SLC22A4: variants seen among roughly 807,000 people sequenced by gnomAD.
SLC22A4 encodes the protein ET transporter.
A neutral mutation model predicts 56.6 loss-of-function variants in SLC22A4; 39 were observed. That is an observed-to-expected ratio of 0.69 (90% confidence interval 0.53 to 0.90). SLC22A4 has a LOEUF of 0.90. Among genes scored for constraint, SLC22A4 ranks in the 40% least tolerant of loss-of-function variants. The pLI is 0.00. For synonymous variants in SLC22A4, 241 were observed against 281.4 expected, an observed-to-expected ratio of 0.86 and a Z score of 1.44; for missense variants, 594 against 696.5, an observed-to-expected ratio of 0.85 and a Z score of 1.66.
At chr5:132,302,656 C>T (rs1042727498) in intron 1 of SLC22A4, among the ~76,000 whole-genome samples, 2 of 152,186 alleles carry the variant, frequency 1.3e-5, no homozygotes, top group Non-Finnish European at 2.9e-5. Flanking sequence ...CAGAGCTTCC[C>T]CTCAGTGCTT....
chr5:132,332,040 G>C, intron 6 of SLC22A4, 190 bp downstream of exon 6: 1 of 587,564 alleles, frequency 1.7e-6, no homozygotes, highest in East Asian at 3.1e-5. Flanking sequence ...GTCACTGGGC[G>C]CAATGGCTTA....
In SLC22A4 at chr5:132,331,837, T is replaced by A; in HGVS notation, c.1033T>A (p.Ser345Thr). Residue 345 changes from serine to threonine, a missense_variant, in exon 6 of 10, where the codon TCT becomes ACT. Coordinates refer to ENST00000200652, the MANE Select transcript of SLC22A4 (RefSeq NM_003059.3). ...GAATATTGCCATAATGACCATTATG[T>A]CTTTGCTGCTATGGTAAGTAATAAG... ...TRNIAIMTIM[S>T]LLLWMLTSVG... 1 of 1,601,874 alleles carries A rather than the reference T, an allele frequency of 6.2e-7. No homozygotes were observed. The highest frequency in any genetic ancestry group is 8.6e-7 in the Non-Finnish European group (1 of 1,168,718).
chr5:132,310,456 A>T (rs1463404074), intron 1 of SLC22A4, among the ~76,000 whole-genome samples: 1 of 152,188 alleles, frequency 6.6e-6, no homozygotes, highest in Non-Finnish European at 1.5e-5. Context: ...GAACACATTA[A>T]TCTGGCCATA....
intron 9 of SLC22A4, 139 bp from the exon 10 acceptor site, chr5:132,343,621 C>A (rs1421837524): frequency 3.1e-6 from 2 of 645,920 alleles, no homozygotes; most frequent in Non-Finnish European, 5.6e-6. Flanking sequence ...TAGATCTACA[C>A]CATGAGGTTC....
chr5:132,328,826 TATATATATATATACAC>T (rs1266625124), intron 5 of SLC22A4, among the ~76,000 whole-genome samples: 1 of 17,734 alleles, frequency 5.6e-5, no homozygotes, highest in East Asian at 5.1e-4. Context: ...AGTGCCTTTA[TATATATATATATACAC>T]ACACACACAC....
At chr5:132,317,546 A>C (rs1461776482) in intron 3 of SLC22A4, among the ~76,000 whole-genome samples, 1 of 152,218 alleles carries the variant, frequency 6.6e-6, no homozygotes, top group Non-Finnish European at 1.5e-5. Flanking sequence ...TCATCCATTC[A>C]TCAGTCATTG....
chr5:132,313,033 T>G (rs569467814), intron 2 of SLC22A4, among the ~76,000 whole-genome samples: 1 of 152,356 alleles, frequency 6.6e-6, no homozygotes, highest in African/African-American at 2.4e-5. Context: ...CAGACATTGC[T>G]GAAAGCTACA....
Position 132,335,848 on chromosome 5 carries a change from T to C in SLC22A4, c.1292T>C (p.Met431Thr), listed in dbSNP as rs1751007938. Residue 431 changes from methionine to threonine, a missense_variant, in exon 8 of 10, where the codon ATG becomes ACG. Met to Thr is a moderately conservative substitution (Grantham distance 81). Transcript: ENST00000200652. ...DYYFLSIGLV[M>T]LGKFGITSAF... ...TACTTCTTATCCATTGGTCTGGTCA[T>C]GCTGGGAAAATTTGGGATCACCTCT... 1 of 1,614,172 alleles carries C rather than the reference T, an allele frequency of 6.2e-7. No homozygotes were observed. Among genetic ancestry groups the C allele is most frequent in the South Asian group, 1.1e-5 (1 of 91,084 alleles).
chr5:132,297,931 G>A (rs1749816196), intron 1 of SLC22A4, among the ~76,000 whole-genome samples: 1 of 152,120 alleles, frequency 6.6e-6, no homozygotes, highest in Non-Finnish European at 1.5e-5. Context: ...CTGGGTGACA[G>A]GGCAAGACCC....
At chr5:132,336,128 C>T in intron 8 of SLC22A4, 128 bp downstream of exon 8, 1 of 936,154 alleles carries the variant, frequency 1.1e-6, no homozygotes, top group South Asian at 1.4e-5. Context: ...CCTCTCCTCT[C>T]CCAGGAGGAG....
At chr5:132,324,905 G>A (rs1750647578) in intron 4 of SLC22A4, among the ~76,000 whole-genome samples, 1 of 152,226 alleles carries the variant, frequency 6.6e-6, no homozygotes, top group Admixed American at 6.5e-5. Context: ...AGAGATACCA[G>A]TGGCCCTGAG....
chr5:132,323,034 C>G lies in SLC22A4; in HGVS notation c.824+679C>G, dbSNP rs558129248. On this transcript the variant is annotated intron_variant, in intron 4 of 9. Transcript: ENST00000200652. ...TAGAACAAGGTGTCAGACATACCCT[C>G]TTTTTGGAGATTTCCTGTTCCTTTG... Among the ~76,000 whole-genome samples the G allele has an allele frequency of 3.3e-5, 5 of 152,314 alleles. No individual in the cohort carries two copies. In the East Asian group the frequency reaches 9.6e-4, roughly 29 times the overall value.
chr5:132,301,467 G>C (rs1288235372), intron 1 of SLC22A4, among the ~76,000 whole-genome samples: 1 of 152,214 alleles, frequency 6.6e-6, no homozygotes, highest in Non-Finnish European at 1.5e-5. Context: ...TAGCCCACTG[G>C]TAGTGGAGTT....
chr5:132,318,827 G>C (rs1750439099), intron 3 of SLC22A4, among the ~76,000 whole-genome samples: 2 of 152,158 alleles, frequency 1.3e-5, no homozygotes, highest in Admixed American at 1.3e-4. Flanking sequence ...TGCCCTAGAA[G>C]CAAAGCAGGC....
At chr5:132,312,075 GC>G (rs1750195858) in intron 1 of SLC22A4, 85 bp from the exon 2 acceptor site, 1 of 842,418 alleles carries the variant, frequency 1.2e-6, no homozygotes, top group East Asian at 2.4e-5. Context: ...CTGCCCGCCA[GC>G]CGTGCTAATA....
Position 132,327,305 on chromosome 5 carries a change from A to G in SLC22A4, c.853A>G (p.Ile285Val). The G allele has an allele frequency of 6.2e-7, 1 of 1,606,622 alleles. No homozygotes were observed. The highest frequency in any genetic ancestry group is 8.5e-7 in the Non-Finnish European group (1 of 1,173,794). Residue 285 changes from isoleucine (I) to valine (V), a missense_variant, in exon 5 of 10, where the codon ATA (isoleucine) becomes GTA (valine). Ile to Val is a conservative substitution (Grantham distance 29). Transcript: ENST00000200652. ...WFIPESPRWL[I>V]SQRRFREAED... ...CATTCCTGAATCTCCCCGATGGCTG[A>G]TATCCCAGAGAAGATTTAGAGAGGC... is the stretch of plus-strand genomic sequence containing the variant.
Position 132,335,911 on chromosome 5 carries a change from A to G in SLC22A4, c.1355A>G (p.Tyr452Cys), listed in dbSNP as rs772374561. ...CTGTATGTCTTCACTGCTGAGCTCT[A>G]CCCAACCCTGGTCAGGAACATGGCG... ...SMLYVFTAEL[Y>C]PTLVRNMAVG... Residue 452 changes from tyrosine to cysteine, a missense_variant, in exon 8 of 10, where the codon TAC (tyrosine) becomes TGC (cysteine). Transcript: ENST00000200652. 6.2e-7 allele frequency: 1 copy of G among 1,613,904 alleles called. No homozygotes were observed. Among genetic ancestry groups the G allele is most frequent in the Non-Finnish European group, 8.5e-7 (1 of 1,180,004 alleles).
chr5:132,313,785 G>T lies in SLC22A4; in HGVS notation c.652+17G>T. 1.2e-6 allele frequency: 2 copies of T among 1,613,452 alleles called. No homozygotes were observed. Among genetic ancestry groups the T allele is most frequent in the Non-Finnish European group, 1.7e-6 (2 of 1,179,456 alleles). ...TCATACTAGGTAGGAATGGCTTCTG[G>T]GACATGGGGTGCTTCCCTCTAACCC... On this transcript the variant is annotated intron_variant, in intron 3 of 9. Coordinates refer to ENST00000200652, the MANE Select transcript of SLC22A4 (RefSeq NM_003059.3).
At chr5:132,341,889 G>A (rs1481799320) in intron 9 of SLC22A4, among the ~76,000 whole-genome samples, 1 of 152,134 alleles carries the variant, frequency 6.6e-6, no homozygotes, top group Non-Finnish European at 1.5e-5. Flanking sequence ...GGATGTTGCA[G>A]TGAGCCGAAA....
Sources: allele counts gnomAD v4.1 joint callset (sites outside exome capture counted in the v4.1 genomes callset), GRCh38; gene constraint gnomAD v4.1.1; transcripts MANE v1.5; gene names NCBI Gene and HGNC (gene_info 2026-07-23, HGNC 2026-07-21).